SMOC2: variants seen among roughly 807,000 people sequenced by gnomAD.
The protein encoded by SMOC2 is SPARC-related modular calcium-binding protein 2.
In SMOC2, 39 loss-of-function variants were observed where a neutral mutation model predicts 61.4. That is an observed-to-expected ratio of 0.64 (90% confidence interval 0.49 to 0.83). The LOEUF (loss-of-function observed/expected upper bound fraction) is 0.83, where lower values mean the gene tolerates loss of function less well. SMOC2 is among the 40% of genes least tolerant of loss of function. SMOC2 has a pLI of 0.00. For missense variants in SMOC2, 556 were observed against 592.9 expected (o/e 0.94, Z 0.65); for synonymous variants, 247 against 239.9 (o/e 1.03, Z -0.27).
chr6:168,518,869 G>A (rs1363255397), intron 2 of SMOC2, among the ~76,000 whole-genome samples: 1 of 150,062 alleles, frequency 6.7e-6, no homozygotes, highest in Non-Finnish European at 1.5e-5. Context: ...GTGTATGAAT[G>A]TATTCATGTG....
At chr6:168,589,657 T>C (rs1785127002) in intron 7 of SMOC2, among the ~76,000 whole-genome samples, 1 of 148,196 alleles carries the variant, frequency 6.7e-6, no homozygotes, top group Non-Finnish European at 1.5e-5. Context: ...CTGGTGGTGG[T>C]CAGGTGTGGC....
chr6:168,606,938 G>T (rs1785709010), intron 8 of SMOC2, among the ~76,000 whole-genome samples: 1 of 152,276 alleles, frequency 6.6e-6, no homozygotes, highest in South Asian at 2.1e-4. Context: ...TGGATGGGAG[G>T]GGCAGGGGGC....
chr6:168,656,019 A>T (rs922306503), intron 11 of SMOC2, among the ~76,000 whole-genome samples: 1 of 152,240 alleles, frequency 6.6e-6, no homozygotes, highest in Admixed American at 6.5e-5. Context: ...GCTGGATCTC[A>T]TTCCACATGT....
chr6:168,453,737 A>G lies in SMOC2; in HGVS notation c.84+12283A>G, dbSNP rs541497220. ...CATTCTACATACTACATCTCTGTCT[A>G]TCTCTGTCTCTCTGTCTCCCTCTTT... On this transcript the variant is annotated intron_variant, in intron 1 of 12. Transcript: ENST00000356284. This position sits in a 1 kb window ranked among gnomAD's most constrained non-coding sequence, Gnocchi z 4.4. Among the ~76,000 whole-genome samples, 14 of 146,096 alleles carry G rather than the reference A, an allele frequency of 9.6e-5. No individual in the cohort carries two copies. The highest frequency in any genetic ancestry group is 2.1e-4 in the Non-Finnish European group (14 of 66,524).
chr6:168,484,353 C>T (rs1002446003), intron 1 of SMOC2, among the ~76,000 whole-genome samples: 1 of 152,094 alleles, frequency 6.6e-6, no homozygotes, highest in African/African-American at 2.4e-5. Context: ...AGAACACATG[C>T]TTAGCATCAT....
At chr6:168,599,198 A>ACACACACACTCACACC (rs1785424642) in intron 8 of SMOC2, among the ~76,000 whole-genome samples, 194 bp downstream of exon 8, 1 of 127,864 alleles carries the variant, frequency 7.8e-6, no homozygotes, top group Non-Finnish European at 1.6e-5. Flanking sequence ...CACTCATACC[A>ACACACACACTCACACC]CACACACACT....
intron 1 of SMOC2, among the ~76,000 whole-genome samples, chr6:168,474,867 C>T (rs1157851367): frequency 6.6e-6 from 1 of 152,106 alleles, no homozygotes; most frequent in Non-Finnish European, 1.5e-5. Context: ...TACTGAAGTG[C>T]CATAAAGAGG....
Position 168,666,411 on chromosome 6 carries a change from T to C in SMOC2, c.1324-10T>C. On this transcript the variant is annotated splice_polypyrimidine_tract_variant and intron_variant, in intron 12 of 12. Coordinates refer to ENST00000356284, the MANE Select transcript of SMOC2 (RefSeq NM_001166412.2). ...AATATAATGTCTCTTTTTTGTTTTT[T>C]CCTTTTCAGCCAAGGAAACAAGGAT... The C allele has an allele frequency of 6.2e-7, 1 of 1,613,860 alleles. No homozygotes were observed. The highest frequency in any genetic ancestry group is 8.5e-7 in the Non-Finnish European group (1 of 1,180,036).
chr6:168,631,780 A>G (rs1404127441), intron 9 of SMOC2, among the ~76,000 whole-genome samples: 2 of 152,234 alleles, frequency 1.3e-5, no homozygotes, highest in East Asian at 3.9e-4. Context: ...AGGAGGATGG[A>G]GTTTCCCATT....
intron 11 of SMOC2, among the ~76,000 whole-genome samples, chr6:168,660,645 A>G (rs941827710): frequency 6.6e-6 from 1 of 152,220 alleles, no homozygotes; most frequent in Non-Finnish European, 1.5e-5. Context: ...AGCGCAGGTC[A>G]GCACAGGTCT....
intron 9 of SMOC2, among the ~76,000 whole-genome samples, chr6:168,642,236 G>C (rs1786907862): frequency 1.3e-5 from 2 of 152,216 alleles, no homozygotes; most frequent in South Asian, 4.1e-4. Context: ...ACAGAAAAAA[G>C]GAAAGTGATG....
chr6:168,499,506 T>G (rs2115040538), intron 1 of SMOC2, among the ~76,000 whole-genome samples: 1 of 152,322 alleles, frequency 6.6e-6, no homozygotes. Context: ...AGCTATGAAG[T>G]GTGCGGCAGA....
intron 9 of SMOC2, among the ~76,000 whole-genome samples, chr6:168,621,682 G>A (rs1273344019): frequency 1.3e-5 from 2 of 150,624 alleles, no homozygotes; most frequent in African/African-American, 4.9e-5. Context: ...AGAGAGAAGG[G>A]GAAGTGCCAG....
chr6:168,635,978 G>A (rs75210201), intron 9 of SMOC2, among the ~76,000 whole-genome samples: 3,653 of 151,802 alleles, frequency 0.024, 283 homozygotes, highest in Admixed American at 0.16. Context: ...TAAACATTTT[G>A]CTCACTAATT....
At chr6:168,660,680 G>A (rs572354020) in intron 11 of SMOC2, among the ~76,000 whole-genome samples, 2 of 152,340 alleles carry the variant, frequency 1.3e-5, no homozygotes, top group South Asian at 4.1e-4. Context: ...AGAGAAGCAT[G>A]AGAGGCTGAG....
At chr6:168,568,648 A>G (rs932768904) in intron 7 of SMOC2, among the ~76,000 whole-genome samples, 9 of 152,098 alleles carry the variant, frequency 5.9e-5, no homozygotes, top group African/African-American at 1.4e-4. Flanking sequence ...GAGTTGTTTC[A>G]CTGCCCTGAA....
At chr6:168,492,875 T>G (rs1378206905) in intron 1 of SMOC2, among the ~76,000 whole-genome samples, 2 of 152,244 alleles carry the variant, frequency 1.3e-5, no homozygotes, top group Non-Finnish European at 2.9e-5. Flanking sequence ...TTCCTTGTGT[T>G]GTAGGTTTGT....
At chr6:168,451,365 C>T (rs1252586867) in intron 1 of SMOC2, among the ~76,000 whole-genome samples, 2 of 152,240 alleles carry the variant, frequency 1.3e-5, no homozygotes, top group Admixed American at 6.5e-5. Context: ...CATTCTGCCA[C>T]ATGCGAAGGC....
At chr6:168,486,912 G>A (rs1782351830) in intron 1 of SMOC2, among the ~76,000 whole-genome samples, 1 of 152,106 alleles carries the variant, frequency 6.6e-6, no homozygotes, top group African/African-American at 2.4e-5. Context: ...CAACGCATTA[G>A]TTATCTTATG....
Sources: gnomAD v4.1 joint callset for allele counts (sites outside exome capture counted in the v4.1 genomes callset) on GRCh38, gnomAD v4.1.1 for gene constraint, Gnocchi (gnomAD v3.1) non-coding constraint, MANE v1.5 for transcripts, NCBI Gene and HGNC (gene_info 2026-07-23, HGNC 2026-07-21) for gene names.